The following NKAIN2 variants were observed in gnomAD, a reference collection of about 807,000 sequenced individuals.
NKAIN2 encodes sodium/potassium transporting ATPase interacting 2.
Under a neutral mutation model 32.6 loss-of-function variants are expected in NKAIN2, and 14 were observed. The observed-to-expected ratio is 0.43, with a 90% CI of 0.28 to 0.67. NKAIN2 has a LOEUF of 0.67. NKAIN2 is among the 30% of genes least tolerant of loss of function. NKAIN2 has a pLI of 0.17. For missense variants in NKAIN2, 198 were observed against 258.3 expected (o/e 0.77, Z 1.60); for synonymous variants, 80 against 87.2 (o/e 0.92, Z 0.46).
intron 1 of NKAIN2, among the ~76,000 whole-genome samples, chr6:123,986,727 C>CA (rs1440018042): frequency 1.3e-5 from 2 of 152,138 alleles, no homozygotes; most frequent in African/African-American, 4.8e-5. Flanking sequence ...TGAAAAACAT[C>CA]ACTGCTCTAG....
At chr6:124,267,769 T>C (rs1055696962) in intron 1 of NKAIN2, among the ~76,000 whole-genome samples, 1 of 152,192 alleles carries the variant, frequency 6.6e-6, no homozygotes, top group Admixed American at 6.6e-5. Flanking sequence ...ATACTCTTGA[T>C]ATAGAATTAA....
intron 1 of NKAIN2, among the ~76,000 whole-genome samples, chr6:124,021,788 C>A (rs2114761557): frequency 6.6e-6 from 1 of 151,938 alleles, no homozygotes; most frequent in East Asian, 1.9e-4. Flanking sequence ...AAATTCTATC[C>A]TCTCCCCTGA....
chr6:123,807,912 A>G (rs73552079), intron 1 of NKAIN2, among the ~76,000 whole-genome samples: 1 of 152,312 alleles, frequency 6.6e-6, no homozygotes, highest in African/African-American at 2.4e-5. Context: ...TTGTGTGTGC[A>G]GCTGTGTGAA....
intron 4 of NKAIN2, among the ~76,000 whole-genome samples, chr6:124,760,248 T>G (rs770567845): frequency 4.0e-5 from 6 of 151,792 alleles, no homozygotes; most frequent in Non-Finnish European, 5.9e-5. Flanking sequence ...TGGCGTCTAC[T>G]TGAAGCAGGA....
chr6:124,274,970 A>C (rs1440864318), intron 1 of NKAIN2, among the ~76,000 whole-genome samples: 1 of 152,108 alleles, frequency 6.6e-6, no homozygotes, highest in African/African-American at 2.4e-5. Flanking sequence ...ATGACTTGTT[A>C]AGCTCAATTA....
intron 6 of NKAIN2, among the ~76,000 whole-genome samples, chr6:124,822,743 C>A (rs1011718851): frequency 2.6e-5 from 4 of 152,008 alleles, no homozygotes; most frequent in Non-Finnish European, 4.4e-5. Flanking sequence ...AAAAAAATCC[C>A]ATGTCTGCGT....
intron 3 of NKAIN2, among the ~76,000 whole-genome samples, chr6:124,435,838 C>T (rs1351851859): frequency 6.6e-6 from 1 of 152,116 alleles, no homozygotes; most frequent in Non-Finnish European, 1.5e-5. Flanking sequence ...GCCTAACTAA[C>T]ATTCTATAGT....
intron 3 of NKAIN2, among the ~76,000 whole-genome samples, chr6:124,572,954 C>T (rs188610597): frequency 6.6e-6 from 1 of 152,138 alleles, no homozygotes; most frequent in East Asian, 1.9e-4. Context: ...ATTCTCATGC[C>T]TCAGCCTCCC....
At chr6:124,109,449 T>C (rs1785267349) in intron 1 of NKAIN2, among the ~76,000 whole-genome samples, 1 of 152,060 alleles carries the variant, frequency 6.6e-6, no homozygotes, top group Admixed American at 6.6e-5. Flanking sequence ...TTTTCTGGAG[T>C]CTCTAATGTT....
intron 3 of NKAIN2, among the ~76,000 whole-genome samples, chr6:124,479,707 A>G (rs1476091475): frequency 2.0e-5 from 3 of 152,180 alleles, no homozygotes; most frequent in African/African-American, 4.8e-5. Context: ...TTTAATTTGT[A>G]TTTGTTTGTT....
chr6:124,303,059 A>G (rs534560767), intron 2 of NKAIN2, among the ~76,000 whole-genome samples: 44 of 152,300 alleles, frequency 2.9e-4, no homozygotes, highest in African/African-American at 1.0e-3. Flanking sequence ...TTAAAATTAG[A>G]TGGGGTATGT....
At chr6:123,804,820 T>C (rs1441615541) in intron 1 of NKAIN2, among the ~76,000 whole-genome samples, 1 of 152,208 alleles carries the variant, frequency 6.6e-6, no homozygotes, top group African/African-American at 2.4e-5. Flanking sequence ...TTTTAAAGTA[T>C]GCAGATTGAA....
At chr6:123,997,568 G>A (rs1261921823) in intron 1 of NKAIN2, among the ~76,000 whole-genome samples, 1 of 149,628 alleles carries the variant, frequency 6.7e-6, no homozygotes, top group African/African-American at 2.5e-5. Context: ...TCCATCTGAA[G>A]CAGGAATTAT....
intron 1 of NKAIN2, among the ~76,000 whole-genome samples, chr6:124,016,834 C>T (rs773186148): frequency 1.1e-4 from 17 of 151,892 alleles, no homozygotes; most frequent in Admixed American, 3.9e-4. Flanking sequence ...TTAGTTTGCC[C>T]GCCTAAGGTA....
chr6:124,063,603 T>A (rs892479331), intron 1 of NKAIN2, among the ~76,000 whole-genome samples: 1 of 152,182 alleles, frequency 6.6e-6, no homozygotes, highest in Non-Finnish European at 1.5e-5. Context: ...CATTTAGCTA[T>A]TCAATGAATG....
At chr6:124,217,794 C>T (rs1410700561) in intron 1 of NKAIN2, among the ~76,000 whole-genome samples, 1 of 151,700 alleles carries the variant, frequency 6.6e-6, no homozygotes, top group Non-Finnish European at 1.5e-5. Flanking sequence ...TGTACACACA[C>T]ACACATATAC....
intron 3 of NKAIN2, among the ~76,000 whole-genome samples, chr6:124,599,672 C>T (rs1165968056): frequency 2.0e-5 from 3 of 152,078 alleles, no homozygotes; most frequent in Non-Finnish European, 2.9e-5. Context: ...ATAAAAGGTG[C>T]TCTTTGCTCT....
intron 2 of NKAIN2, among the ~76,000 whole-genome samples, chr6:124,290,554 G>GTA (rs1795760475): frequency 1.3e-5 from 2 of 149,002 alleles, no homozygotes; most frequent in African/African-American, 2.5e-5. Context: ...GTGTGTGTGC[G>GTA]TCTGTGTTGC....
chr6:124,593,934 G>T (rs1711627118), intron 3 of NKAIN2, among the ~76,000 whole-genome samples: 1 of 152,134 alleles, frequency 6.6e-6, no homozygotes, highest in African/African-American at 2.4e-5. Flanking sequence ...AATTCCTAAT[G>T]TATGAGGTTA....
Sources: allele counts gnomAD v4.1 joint callset (sites outside exome capture counted in the v4.1 genomes callset), GRCh38; gene constraint gnomAD v4.1.1; transcripts MANE v1.5; gene names NCBI Gene and HGNC (gene_info 2026-07-23, HGNC 2026-07-21).